RAD50: variants seen among roughly 807,000 people sequenced by gnomAD.
RAD50 encodes the protein DNA repair protein RAD50.
A neutral mutation model predicts 168.8 loss-of-function variants in RAD50; 132 were observed. The observed-to-expected ratio is 0.78, with a 90% CI of 0.68 to 0.90. RAD50 has a LOEUF of 0.90. Among genes scored for constraint, RAD50 ranks in the 40% least tolerant of loss-of-function variants. The pLI, the probability that RAD50 is intolerant of heterozygous loss-of-function variation, is 0.00. For synonymous variants in RAD50, 525 were observed against 497.4 expected (o/e 1.06, Z -0.74); for missense variants, 1,347 against 1,534.4 (o/e 0.88, Z 2.04).
chr5:132,596,728 A>G (rs1750797928), intron 13 of RAD50, among the ~76,000 whole-genome samples: 1 of 152,260 alleles, frequency 6.6e-6, no homozygotes, highest in Non-Finnish European at 1.5e-5. Flanking sequence ...ACAAGCTCTC[A>G]GAATTCAACA....
chr5:132,594,304 T>C (rs1750752208), intron 11 of RAD50, among the ~76,000 whole-genome samples: 1 of 152,270 alleles, frequency 6.6e-6, no homozygotes, highest in East Asian at 1.9e-4. Context: ...AACCTGCAAA[T>C]TGAAAAACCA....
At chr5:132,586,330 G>A (rs1191078604) in intron 5 of RAD50, among the ~76,000 whole-genome samples, 1 of 152,122 alleles carries the variant, frequency 6.6e-6, no homozygotes, top group Non-Finnish European at 1.5e-5. Context: ...TGAATTTCCT[G>A]CTTAGTATAT....
intron 21 of RAD50, among the ~76,000 whole-genome samples, chr5:132,631,126 T>TC (rs980737379): frequency 7.3e-5 from 11 of 151,040 alleles, no homozygotes; most frequent in Non-Finnish European, 1.5e-4. Context: ...CACTTTTTTT[T>TC]TTTTTTTTTT....
intron 8 of RAD50, 79 bp from the exon 9 acceptor site, chr5:132,589,552 T>C: frequency 8.8e-7 from 1 of 1,134,974 alleles, no homozygotes; most frequent in South Asian, 1.7e-5. Flanking sequence ...TTCTTCAGTG[T>C]ACATATATTC....
At chr5:132,639,522 G>A (rs1751671549) in intron 23 of RAD50, among the ~76,000 whole-genome samples, 1 of 152,204 alleles carries the variant, frequency 6.6e-6, no homozygotes, top group African/African-American at 2.4e-5. Context: ...ATGATTTTTA[G>A]TGGTAATTAT....
At chr5:132,595,251 C>G in intron 12 of RAD50, 1 of 611,948 alleles carries the variant, frequency 1.6e-6, no homozygotes, top group Non-Finnish European at 2.8e-6. Context: ...AATGAGGACA[C>G]AACTACCACC....
chr5:132,559,457 AGAAAT>A, intron 2 of RAD50, 90 bp downstream of exon 2: 1 of 1,350,272 alleles, frequency 7.4e-7, no homozygotes, highest in Non-Finnish European at 1.0e-6. Flanking sequence ...AACTATAAAG[AGAAAT>A]GAAAGTCAGC....
chr5:132,641,449 CAG>C (rs1751718952), intron 24 of RAD50, among the ~76,000 whole-genome samples: 2 of 152,140 alleles, frequency 1.3e-5, no homozygotes, highest in Admixed American at 1.3e-4. Flanking sequence ...CCCTTTCTGG[CAG>C]AGAGGGCCAG....
chr5:132,591,076 A>G (rs1468010207), intron 9 of RAD50, 148 bp from the exon 10 acceptor site: 3 of 755,918 alleles, frequency 4.0e-6, no homozygotes, highest in African/African-American at 3.5e-5. Flanking sequence ...GAGCATATAT[A>G]GTGCCTTATG....
intron 9 of RAD50, among the ~76,000 whole-genome samples, chr5:132,590,418 C>G (rs904545774): frequency 2.0e-5 from 3 of 152,116 alleles, no homozygotes; most frequent in African/African-American, 7.2e-5. Context: ...TGCAGTGAGC[C>G]AAGATTGCGC....
Position 132,589,768 on chromosome 5 carries a change from G to C in RAD50, c.1383G>C (p.Lys461Asn). The change falls in exon 9 of 25, where the codon AAG (lysine) becomes AAC (asparagine). Residue 461 changes from lysine to asparagine, a missense_variant. This residue lies in a region of RAD50 where 703 missense variants were observed against 767.7 expected (regional missense o/e 0.92). Coordinates refer to ENST00000378823, the MANE Select transcript of RAD50 (RefSeq NM_005732.4). ...AGCAGAATGAGCTGAAAAATGTGAA[G>C]TATGAATTACAGCAGTTGGAAGGAT... Reference protein sequence around the residue: ...SKKQNELKNVKYELQQLEGSS... With the variant: ...SKKQNELKNVNYELQQLEGSS... The C allele has an allele frequency of 6.2e-7, 1 of 1,613,760 alleles. No homozygotes were observed. The highest frequency in any genetic ancestry group is 8.5e-7 in the Non-Finnish European group (1 of 1,179,842).
At chr5:132,605,533 C>T (rs1014329947) in intron 16 of RAD50, among the ~76,000 whole-genome samples, 1 of 152,058 alleles carries the variant, frequency 6.6e-6, no homozygotes, top group Non-Finnish European at 1.5e-5. Flanking sequence ...TTTCTAGAGA[C>T]AGGGTCTCAC....
At chr5:132,564,908 G>T (rs1250956059) in intron 2 of RAD50, among the ~76,000 whole-genome samples, 1 of 152,216 alleles carries the variant, frequency 6.6e-6, no homozygotes, top group Non-Finnish European at 1.5e-5. Context: ...GCCTGGGGTT[G>T]CGCAGAGAAC....
Position 132,564,850 on chromosome 5 carries a change from T to C in RAD50, c.213+5483T>C, listed in dbSNP as rs543172267. Among the ~76,000 whole-genome samples, 5 of 152,106 alleles carry C rather than the reference T, an allele frequency of 3.3e-5. No individual in the cohort carries two copies. The South Asian group carries it at 1.0e-3, about 32-fold the overall frequency. ...CCCCAGATATATCTTAAGCTGCTGC[T>C]CCAGAGGCTGCAAGCTGTAAGCCTT... On this transcript the variant is annotated intron_variant, in intron 2 of 24. Coordinates refer to ENST00000378823, the MANE Select transcript of RAD50 (RefSeq NM_005732.4).
In RAD50 at chr5:132,615,338, G is replaced by A. The variant is rs192876709; in HGVS notation, c.3037-665G>A. 3.0e-4 allele frequency among the ~76,000 whole-genome samples: 46 copies of A among 152,228 alleles called. No individual in the cohort carries two copies. The East Asian group carries it at 3.1e-3, about 10-fold the overall frequency. On this transcript the variant is annotated intron_variant, in intron 19 of 24. Coordinates refer to ENST00000378823, the MANE Select transcript of RAD50 (RefSeq NM_005732.4). ...AGCCAATTTTTTGAAATTTCATTTCGGTGGCTAAGGAGGTACCAAGTTCAT... is the reference window on the plus strand; with the variant it reads ...AGCCAATTTTTTGAAATTTCATTTCAGTGGCTAAGGAGGTACCAAGTTCAT...
chr5:132,561,225 C>T (rs1161143322), intron 2 of RAD50, among the ~76,000 whole-genome samples: 1 of 151,992 alleles, frequency 6.6e-6, no homozygotes, highest in Non-Finnish European at 1.5e-5. Flanking sequence ...CGGAGTCTTG[C>T]ACTGTTGCCC....
chr5:132,556,992 C>T lies in RAD50; in HGVS notation c.-333C>T, dbSNP rs753621196. On this transcript the variant is annotated 5_prime_UTR_variant, in exon 1 of 25. Transcript: ENST00000378823. ...CTAGAGGCCCACGTGATCCGCAGGG[C>T]GGCCGAGGCAGGAAGCTGTGAGTGC... 114 of 850,052 alleles carry T rather than the reference C, an allele frequency of 1.3e-4. No individual in the cohort carries two copies. The highest frequency in any genetic ancestry group is 1.8e-4 in the Non-Finnish European group (108 of 605,004). The allele number at this position is 850,052 out of a possible 1,614,324, so 52.7% of individuals were successfully genotyped here. A position where few individuals can be genotyped will look rare whatever the true frequency, so the allele number is the denominator to read the frequency against.
intron 21 of RAD50, among the ~76,000 whole-genome samples, chr5:132,631,529 C>A (rs993952145): frequency 2.6e-5 from 4 of 152,222 alleles, no homozygotes; most frequent in African/African-American, 9.6e-5. Context: ...GGAGCTGATA[C>A]ACTAGCCAGA....
chr5:132,634,175 T>C (rs1237428362), intron 21 of RAD50, among the ~76,000 whole-genome samples: 3 of 152,194 alleles, frequency 2.0e-5, no homozygotes, highest in African/African-American at 7.2e-5. Context: ...CGGACATCTT[T>C]GTAATATCAC....
Sources: allele counts gnomAD v4.1 joint callset (sites outside exome capture counted in the v4.1 genomes callset), GRCh38; gene constraint gnomAD v4.1.1; regional missense constraint gnomAD v4.1.1; transcripts MANE v1.5; gene names NCBI Gene and HGNC (gene_info 2026-07-23, HGNC 2026-07-21).